The following MAPK14 variants were observed in gnomAD, a reference collection of about 807,000 sequenced individuals.
MAPK14 encodes the protein CSAID-binding protein.
MAPK14 carries 16 observed loss-of-function variants against 49.6 expected under a neutral mutation model. That is an observed-to-expected ratio of 0.32 (90% CI 0.22 to 0.49). The LOEUF (loss-of-function observed/expected upper bound fraction) is 0.49. Ranked by LOEUF, MAPK14 falls within the 20% of genes least tolerant of loss-of-function variation. The probability of loss-of-function intolerance (pLI) is 0.99; values close to 1 mark genes in which losing one functional copy is unlikely to be tolerated. For missense variants in MAPK14, 200 were observed against 441.2 expected (o/e 0.45, Z 4.90); for synonymous variants, 142 against 158.0 (o/e 0.90, Z 0.76).
chr6:36,070,392 T>TCCTTGA (rs762737474), intron 3 of MAPK14, among the ~76,000 whole-genome samples: 15 of 152,210 alleles, frequency 9.9e-5, no homozygotes, highest in Non-Finnish European at 1.9e-4. Flanking sequence ...TGTCTCTATT[T>TCCTTGA]CCTTGTCAAT....
intron 2 of MAPK14, among the ~76,000 whole-genome samples, chr6:36,058,078 A>G (rs1442120025): frequency 6.6e-6 from 1 of 152,204 alleles, no homozygotes; most frequent in Non-Finnish European, 1.5e-5. Context: ...CTCAAAGACC[A>G]TGGGTTATTG....
intron 9 of MAPK14, among the ~76,000 whole-genome samples, chr6:36,098,719 G>A (rs1157780825): frequency 1.3e-5 from 2 of 152,094 alleles, no homozygotes; most frequent in Non-Finnish European, 2.9e-5. Context: ...GAAAGAAAGG[G>A]GAAGTGGAGG....
intron 1 of MAPK14, among the ~76,000 whole-genome samples, chr6:36,037,621 A>G (rs747639594): frequency 2.0e-5 from 3 of 152,102 alleles, no homozygotes; most frequent in Non-Finnish European, 2.9e-5. Context: ...AGTGCCTACC[A>G]TGTATGGTTT....
At chr6:36,063,981 A>G (rs1763934341) in intron 3 of MAPK14, among the ~76,000 whole-genome samples, 1 of 152,182 alleles carries the variant, frequency 6.6e-6, no homozygotes, top group African/African-American at 2.4e-5. Context: ...ACCAGTAGAA[A>G]TGCAAAAATC....
intron 8 of MAPK14, among the ~76,000 whole-genome samples, chr6:36,083,530 C>T (rs1369945475): frequency 6.6e-6 from 1 of 152,130 alleles, no homozygotes; most frequent in East Asian, 1.9e-4. Flanking sequence ...AGAGACTGGG[C>T]GGTTGGGACC....
intron 8 of MAPK14, chr6:36,091,948 G>A (rs1043812687): frequency 3.7e-6 from 1 of 272,644 alleles, no homozygotes; most frequent in South Asian, 3.9e-5. Flanking sequence ...AAGAAGGCCT[G>A]GTAGTCTCAT....
At chr6:36,059,194 C>A in intron 2 of MAPK14, 95 bp from the exon 3 acceptor site, 3 of 792,548 alleles carry the variant, frequency 3.8e-6, no homozygotes, top group Non-Finnish European at 6.0e-6. Context: ...CCGGCCTAGA[C>A]CCTGACTCTT....
intron 10 of MAPK14, 31 bp downstream of exon 10, chr6:36,102,680 A>T: frequency 6.2e-7 from 1 of 1,611,750 alleles, no homozygotes; most frequent in Non-Finnish European, 8.5e-7. Flanking sequence ...CACCTCATGG[A>T]TATTGAATTG....
In MAPK14 at chr6:36,076,105, T is replaced by C. The variant is rs528406593; in HGVS notation, c.610+143T>C. 7.1e-6 allele frequency: 6 copies of C among 842,904 alleles called. No homozygotes were observed. The East Asian group carries it at 1.1e-4, about 15-fold the overall frequency. 52.2% of individuals were successfully genotyped at this position (842,904 alleles called of 1,614,324 possible). ...CTTTTAAAGCCTGCAAGTAAAAATA[T>C]TTCACTTCCTCAGATGGGGAAGTGG... On this transcript the variant is annotated intron_variant, in intron 7 of 11. Coordinates refer to ENST00000229794, the MANE Select transcript of MAPK14 (RefSeq NM_139012.3).
chr6:36,083,373 A>T (rs1764842923), intron 8 of MAPK14, among the ~76,000 whole-genome samples: 1 of 152,220 alleles, frequency 6.6e-6, no homozygotes, highest in African/African-American at 2.4e-5. Flanking sequence ...AGCACATGCC[A>T]CCAGGGCCTT....
chr6:36,066,430 A>G (rs1457198571), intron 3 of MAPK14, among the ~76,000 whole-genome samples: 3 of 152,190 alleles, frequency 2.0e-5, no homozygotes, highest in Non-Finnish European at 4.4e-5. Context: ...TTTCTTATTA[A>G]GAAATGCTTA....
At chr6:36,102,287 T>C (rs1027941749) in intron 9 of MAPK14, among the ~76,000 whole-genome samples, 1 of 152,238 alleles carries the variant, frequency 6.6e-6, no homozygotes, top group African/African-American at 2.4e-5. Context: ...GTTTTTAAAC[T>C]TCTCATCCTG....
intron 3 of MAPK14, among the ~76,000 whole-genome samples, chr6:36,068,294 A>G (rs563434510): frequency 3.9e-5 from 6 of 152,330 alleles, no homozygotes; most frequent in Non-Finnish European, 5.9e-5. Flanking sequence ...GACATAGACT[A>G]TGAAATCAGA....
chr6:36,035,205 G>C (rs1581727068), intron 1 of MAPK14, among the ~76,000 whole-genome samples: 1 of 151,946 alleles, frequency 6.6e-6, no homozygotes, highest in African/African-American at 2.4e-5. Flanking sequence ...CAGTTCTGCT[G>C]GGATTACAGG....
chr6:36,064,090 G>GTGTGTT (rs893044170), intron 3 of MAPK14, among the ~76,000 whole-genome samples: 1 of 151,222 alleles, frequency 6.6e-6, no homozygotes, highest in East Asian at 1.9e-4. Flanking sequence ...GTGTGTGTGT[G>GTGTGTT]TGTTTGTTTT....
At chr6:36,089,259 C>T (rs1765120715) in intron 8 of MAPK14, among the ~76,000 whole-genome samples, 1 of 152,190 alleles carries the variant, frequency 6.6e-6, no homozygotes, top group South Asian at 2.1e-4. Context: ...TGCGGGGACA[C>T]TGATGGAGCT....
Position 36,028,043 on chromosome 6 carries a change from C to A in MAPK14, c.-115C>A. 1.9e-6 allele frequency: 1 copy of A among 529,704 alleles called. No individual in the cohort carries two copies. Among genetic ancestry groups the A allele is most frequent in the Non-Finnish European group, 3.2e-6 (1 of 316,834 alleles). The allele number at this position is 529,704 out of a possible 1,614,324, so 32.8% of individuals were successfully genotyped here. The stretch of plus-strand genomic sequence containing the variant: ...GTCGCGGCAGCCGCACCTGCGCGGG[C>A]GACCAGCGCAAGGTCCCCGCCCGGC... On this transcript the variant is annotated 5_prime_UTR_variant, in exon 1 of 12. Transcript: ENST00000229794. This position sits in a 1 kb window ranked among gnomAD's most constrained non-coding sequence, Gnocchi z 5.1.
chr6:36,052,218 C>T (rs987956088), intron 1 of MAPK14, among the ~76,000 whole-genome samples: 21 of 152,176 alleles, frequency 1.4e-4, no homozygotes, highest in African/African-American at 4.8e-4. Context: ...GAGCAGGCAG[C>T]AGATGTGGCA....
At chr6:36,038,622 G>A (rs1276621735) in intron 1 of MAPK14, among the ~76,000 whole-genome samples, 1 of 152,136 alleles carries the variant, frequency 6.6e-6, no homozygotes, top group East Asian at 1.9e-4. Flanking sequence ...TAGAACGGTG[G>A]AGTTAGATGA....
Sources: allele counts gnomAD v4.1 joint callset (sites outside exome capture counted in the v4.1 genomes callset), GRCh38; gene constraint gnomAD v4.1.1; non-coding constraint Gnocchi (gnomAD v3.1); transcripts MANE v1.5; gene names NCBI Gene and HGNC (gene_info 2026-07-23, HGNC 2026-07-21).